Variants in LAMA2 observed in about 807,000 individuals in gnomAD.
LAMA2 encodes the protein laminin subunit alpha-2.
In LAMA2, 269 loss-of-function variants were observed where a neutral mutation model predicts 364.8. That is an observed-to-expected ratio of 0.74 (90% confidence interval 0.67 to 0.82). The LOEUF (loss-of-function observed/expected upper bound fraction) is 0.82, where lower values mean the gene tolerates loss of function less well. Among genes scored for constraint, LAMA2 ranks in the 40% least tolerant of loss-of-function variants. LAMA2 has a pLI of 0.00. For synonymous variants in LAMA2, 1,379 were observed against 1,370.6 expected, an observed-to-expected ratio of 1.01 and a Z score of -0.14; for missense variants, 3,807 against 3,873.2, an observed-to-expected ratio of 0.98 and a Z score of 0.45.
chr6:129,393,406 A>C (rs1314687956), intron 37 of LAMA2, 151 bp downstream of exon 37: 1 of 670,322 alleles, frequency 1.5e-6, no homozygotes, highest in Non-Finnish European at 2.6e-6. Flanking sequence ...CAGAACAAGA[A>C]ATGACTTTTT....
rs997270758 is a variant in LAMA2 at position 129,144,181 on chromosome 6, G to T, written c.819+101G>T. 43 of 811,622 alleles carry T rather than the reference G, an allele frequency of 5.3e-5. 1 individual carries two copies. In the East Asian group the frequency reaches 1.2e-3, roughly 22 times the overall value. 50.3% of individuals were successfully genotyped at this position (811,622 alleles called of 1,614,324 possible). A position where few individuals can be genotyped will look rare whatever the true frequency, so the allele number is the denominator to read the frequency against. On this transcript the variant is annotated intron_variant, in intron 5 of 64. Transcript: ENST00000421865. ...ATGTTTTCAGTGATTTGTAGGAGTG[G>T]TTATTATCAAATTTTTATTTTAGAA... is the stretch of plus-strand genomic sequence containing the variant.
chr6:129,176,848 T>C (rs1402752975), intron 9 of LAMA2, among the ~76,000 whole-genome samples: 1 of 152,164 alleles, frequency 6.6e-6, no homozygotes, highest in Non-Finnish European at 1.5e-5. Context: ...TTTATGTTTT[T>C]AATAAGAACA....
At chr6:129,279,837 T>C (rs549032532) in intron 17 of LAMA2, among the ~76,000 whole-genome samples, 19 of 152,278 alleles carry the variant, frequency 1.2e-4, no homozygotes, top group African/African-American at 4.3e-4. Flanking sequence ...TAATAACATG[T>C]CACAGGGATA....
intron 13 of LAMA2, among the ~76,000 whole-genome samples, chr6:129,251,102 A>ATATG (rs1314887033): frequency 8.2e-6 from 1 of 122,660 alleles, no homozygotes; most frequent in African/African-American, 3.1e-5. Context: ...ATATATATAT[A>ATATG]TATGGCAACT....
chr6:128,940,276 C>T (rs779726137), intron 1 of LAMA2, among the ~76,000 whole-genome samples: 9 of 152,078 alleles, frequency 5.9e-5, no homozygotes, highest in African/African-American at 1.7e-4. Flanking sequence ...CCCTAGACCA[C>T]CACACCCCAC....
intron 16 of LAMA2, among the ~76,000 whole-genome samples, chr6:129,269,460 A>T (rs1296521251): frequency 2.9e-4 from 43 of 150,204 alleles, no homozygotes; most frequent in Admixed American, 2.8e-3. Flanking sequence ...TTTTTATTTG[A>T]TGAAACGTGA....
intron 33 of LAMA2, among the ~76,000 whole-genome samples, chr6:129,367,860 A>C (rs1008118912): frequency 6.6e-6 from 1 of 152,206 alleles, no homozygotes; most frequent in Non-Finnish European, 1.5e-5. Flanking sequence ...ATCTCCCCAA[A>C]TTTATATGTT....
chr6:128,895,679 T>C lies in LAMA2; in HGVS notation c.112+12322T>C, dbSNP rs1265636806. ...AGCAAGGTTTAGTACAAAGGAAACA[T>C]ACTAATATCTGTAATTCTGAATATT... is the stretch of plus-strand genomic sequence containing the variant. On this transcript the variant is annotated intron_variant, in intron 1 of 64. Transcript: ENST00000421865. Among the ~76,000 whole-genome samples, 3 of 151,984 alleles carry C rather than the reference T, an allele frequency of 2.0e-5. No individual in the cohort carries two copies. In the East Asian group the frequency reaches 5.8e-4, roughly 29 times the overall value.
intron 1 of LAMA2, among the ~76,000 whole-genome samples, chr6:128,884,216 C>A (rs1202800527): frequency 1.3e-5 from 2 of 151,940 alleles, no homozygotes; most frequent in Non-Finnish European, 2.9e-5. Flanking sequence ...ATTTTATTAT[C>A]ATGAATTTTA....
At position 129,152,680 on chromosome 6, in the gene LAMA2, T is replaced by C. The variant is rs1778877870; in HGVS notation, c.1028-1825T>C. Among the ~76,000 whole-genome samples, 3 of 152,076 alleles carry C rather than the reference T, an allele frequency of 2.0e-5. No homozygotes were observed. In the South Asian group the frequency reaches 6.2e-4, roughly 32 times the overall value. On this transcript the variant is annotated intron_variant, in intron 7 of 64. Coordinates refer to ENST00000421865, the MANE Select transcript of LAMA2 (RefSeq NM_000426.4). ...GCCTCAAAGTCACTCAACTGGCAAATAGGAAACTTTTCTAACATTAGAGCG... is the reference window on the plus strand; with the variant it reads ...GCCTCAAAGTCACTCAACTGGCAAACAGGAAACTTTTCTAACATTAGAGCG...
intron 52 of LAMA2, among the ~76,000 whole-genome samples, chr6:129,475,087 T>G (rs948445155): frequency 6.6e-6 from 1 of 152,108 alleles, no homozygotes; most frequent in Non-Finnish European, 1.5e-5. Context: ...ATAGTGACAT[T>G]GTACATTTTC....
intron 31 of LAMA2, among the ~76,000 whole-genome samples, chr6:129,352,266 C>T (rs1297938513): frequency 6.6e-6 from 1 of 152,184 alleles, no homozygotes; most frequent in Non-Finnish European, 1.5e-5. Context: ...TACCAAACTT[C>T]CAGTGTCATA....
intron 28 of LAMA2, among the ~76,000 whole-genome samples, chr6:129,323,321 C>A (rs1054222162): frequency 6.6e-6 from 1 of 152,128 alleles, no homozygotes; most frequent in Non-Finnish European, 1.5e-5. Context: ...ATTCTAGAGA[C>A]ATCTGCATCT....
At chr6:129,154,301 A>T (rs1160913198) in intron 7 of LAMA2, among the ~76,000 whole-genome samples, 1 of 151,894 alleles carries the variant, frequency 6.6e-6, no homozygotes, top group Non-Finnish European at 1.5e-5. Context: ...GTCCCCAGCT[A>T]CTCGGGAGGC....
intron 52 of LAMA2, 95 bp downstream of exon 52, chr6:129,473,447 C>A: frequency 8.2e-7 from 1 of 1,219,496 alleles, no homozygotes; most frequent in South Asian, 1.2e-5. Flanking sequence ...ATAAGAATGT[C>A]ATATAACCCT....
chr6:128,893,902 C>G (rs1213647622), intron 1 of LAMA2, among the ~76,000 whole-genome samples: 3 of 151,940 alleles, frequency 2.0e-5, no homozygotes, highest in Non-Finnish European at 4.4e-5. Flanking sequence ...TAGAAGAGAA[C>G]TGGATTCTCA....
chr6:129,089,264 T>C (rs931259608), intron 3 of LAMA2, among the ~76,000 whole-genome samples: 2 of 152,242 alleles, frequency 1.3e-5, no homozygotes, highest in Non-Finnish European at 2.9e-5. Context: ...ATTATACTTC[T>C]AACACTTCCC....
intron 34 of LAMA2, among the ~76,000 whole-genome samples, chr6:129,372,270 A>G (rs988615152): frequency 3.9e-5 from 6 of 152,188 alleles, no homozygotes; most frequent in African/African-American, 1.4e-4. Context: ...GAAAAGTTTT[A>G]CTGCCCGAAA....
Position 128,984,407 on chromosome 6 carries a change from A to G in LAMA2, c.113-65511A>G, listed in dbSNP as rs79327182. Among the ~76,000 whole-genome samples the G allele has an allele frequency of 2.9e-3, 440 of 152,238 alleles. 1 individual carries two copies. The highest frequency in any genetic ancestry group is 0.01 in the African/African-American group (417 of 41,548). On this transcript the variant is annotated intron_variant, in intron 1 of 64. Transcript: ENST00000421865. ...CCTCTCTTCTTAAGGGCCCATTCGT[A>G]TGTACTTAAATAGGAAGATCATCAG... is the stretch of plus-strand genomic sequence containing the variant.
Sources: allele counts gnomAD v4.1 joint callset (sites outside exome capture counted in the v4.1 genomes callset), GRCh38; gene constraint gnomAD v4.1.1; transcripts MANE v1.5; gene names NCBI Gene and HGNC (gene_info 2026-07-23, HGNC 2026-07-21).